Variants in HACE1 observed in about 807,000 individuals in gnomAD.
HACE1 encodes the protein E3 ubiquitin-protein ligase HACE1.
A neutral mutation model predicts 118.4 loss-of-function variants in HACE1; 73 were observed. That is an observed-to-expected ratio of 0.62 (90% CI 0.51 to 0.75). HACE1 has a LOEUF of 0.75. Ranked by LOEUF, HACE1 falls within the 30% of genes least tolerant of loss-of-function variation. The probability of loss-of-function intolerance (pLI) is 0.00; values close to 1 mark genes in which losing one functional copy is unlikely to be tolerated. For synonymous variants in HACE1, 368 were observed against 374.8 expected, an observed-to-expected ratio of 0.98 and a Z score of 0.21; for missense variants, 749 against 1,102.2, an observed-to-expected ratio of 0.68 and a Z score of 4.54.
intron 20 of HACE1, among the ~76,000 whole-genome samples, chr6:104,747,359 T>C (rs1002362889): frequency 2.0e-5 from 3 of 152,148 alleles, no homozygotes; most frequent in African/African-American, 7.2e-5. Flanking sequence ...CTGTCTACAA[T>C]GGATGACTAC....
At position 104,833,259 on chromosome 6, in the gene HACE1, C is replaced by T. The variant is rs76836062; in HGVS notation, c.403-86G>A. 1.6e-3 allele frequency: 2,011 copies of T among 1,241,700 alleles called. 40 individuals are homozygous for T. In the East Asian group the frequency reaches 0.039, roughly 24 times the overall value. The allele number at this position is 1,241,700 out of a possible 1,614,324, so 76.9% of individuals were successfully genotyped here. A position where few individuals can be genotyped will look rare whatever the true frequency, so the allele number is the denominator to read the frequency against. On this transcript the variant is annotated intron_variant, in intron 5 of 23. Transcript: ENST00000262903. Reference sequence around the variant, plus strand: ...TAAATAATGTTATTTCTCAGCTGGGCGTGATTTGCACATGCAAATCTAAAG... The same window carrying T: ...TAAATAATGTTATTTCTCAGCTGGGTGTGATTTGCACATGCAAATCTAAAG...
At chr6:104,769,989 C>T (rs9499966) in intron 19 of HACE1, among the ~76,000 whole-genome samples, 5,129 of 152,106 alleles carry the variant, frequency 0.034, 272 homozygotes, top group African/African-American at 0.12. Context: ...TTGTGCTGTG[C>T]TTTTCATTTT....
intron 2 of HACE1, 104 bp downstream of exon 2, chr6:104,852,213 G>GTT: frequency 1.4e-6 from 1 of 697,676 alleles, no homozygotes; most frequent in Admixed American, 2.0e-5. Context: ...GTGTGTGTGT[G>GTT]TGTGTGTGTG....
chr6:104,758,989 C>G (rs2114628452), intron 19 of HACE1, among the ~76,000 whole-genome samples: 1 of 152,142 alleles, frequency 6.6e-6, no homozygotes, highest in South Asian at 2.1e-4. Flanking sequence ...ATCAATGCAA[C>G]AAGAAGAGCT....
intron 20 of HACE1, among the ~76,000 whole-genome samples, chr6:104,749,195 C>T (rs1487688123): frequency 6.6e-6 from 1 of 152,066 alleles, no homozygotes; most frequent in East Asian, 1.9e-4. Flanking sequence ...AATCCAAGCA[C>T]AGTACAGGAA....
At chr6:104,831,973 GAGAAGAGA>G (rs1562470740) in intron 6 of HACE1, among the ~76,000 whole-genome samples, 4 of 58,950 alleles carry the variant, frequency 6.8e-5, no homozygotes, top group African/African-American at 3.7e-4. Context: ...GAGAAGAGAA[GAGAAGAGA>G]GGAAGGAAGG....
intron 21 of HACE1, 115 bp downstream of exon 21, chr6:104,744,397 T>C (rs1489404137): frequency 2.5e-6 from 2 of 813,482 alleles, no homozygotes; most frequent in African/African-American, 1.7e-5. Flanking sequence ...CAAGAATAAT[T>C]TGGGTAAACA....
chr6:104,755,958 C>A (rs148423082), intron 19 of HACE1, among the ~76,000 whole-genome samples: 337 of 152,150 alleles, frequency 2.2e-3, no homozygotes, highest in African/African-American at 7.9e-3. Flanking sequence ...GACAGAGACA[C>A]AAAACAACCC....
intron 5 of HACE1, among the ~76,000 whole-genome samples, chr6:104,839,743 C>T (rs1264271452): frequency 6.6e-6 from 1 of 152,194 alleles, no homozygotes; most frequent in Non-Finnish European, 1.5e-5. Flanking sequence ...TGGTGGCTCA[C>T]ACCTGTAATC....
At chr6:104,790,068 G>GA (rs201619324) in intron 11 of HACE1, among the ~76,000 whole-genome samples, 8,130 of 127,926 alleles carry the variant, frequency 0.064, 247 homozygotes, top group East Asian at 0.14. Context: ...GGCACAATAA[G>GA]AAAAAAAAAA....
At chr6:104,831,739 A>C (rs1194942920) in intron 6 of HACE1, among the ~76,000 whole-genome samples, 1 of 151,514 alleles carries the variant, frequency 6.6e-6, no homozygotes, top group African/African-American at 2.4e-5. Flanking sequence ...TAAAAATACA[A>C]AAAATTAGCC....
chr6:104,794,129 A>G (rs1444084899), intron 10 of HACE1, among the ~76,000 whole-genome samples: 1 of 152,112 alleles, frequency 6.6e-6, no homozygotes, highest in African/African-American at 2.4e-5. Context: ...TTTAACTTCA[A>G]TTTTTTTACA....
intron 22 of HACE1, chr6:104,731,683 AC>A (rs1775218286): frequency 6.6e-6 from 1 of 152,096 alleles, no homozygotes. Flanking sequence ...ATGAAGTTGG[AC>A]CCTTACTTTA....
chr6:104,852,230 CGCGCGT>C (rs1171162584), intron 2 of HACE1, 81 bp downstream of exon 2: 1 of 697,336 alleles, frequency 1.4e-6, no homozygotes, highest in East Asian at 3.0e-5. Flanking sequence ...TGTGTGTGTG[CGCGCGT>C]GCGCGTGCAC....
intron 19 of HACE1, among the ~76,000 whole-genome samples, chr6:104,762,716 C>T (rs537329051): frequency 1.3e-5 from 2 of 151,978 alleles, no homozygotes; most frequent in East Asian, 1.9e-4. Flanking sequence ...AAAGGCCGGG[C>T]GCGGTAGCTC....
chr6:104,803,968 T>A (rs966720111), intron 7 of HACE1, among the ~76,000 whole-genome samples: 106 of 152,238 alleles, frequency 7.0e-4, no homozygotes, highest in African/African-American at 2.3e-3. Context: ...GAAAACCACA[T>A]CGTCTCAGCC....
intron 14 of HACE1, among the ~76,000 whole-genome samples, 187 bp downstream of exon 14, chr6:104,783,899 C>T (rs1033458802): frequency 3.3e-5 from 5 of 152,180 alleles, no homozygotes; most frequent in African/African-American, 4.8e-5. Context: ...TTTGTACAGA[C>T]CTCTGTACAT....
rs1774983417 is a variant in HACE1 at position 104,729,595 on chromosome 6, A to G, written c.*67T>C. 3 of 857,172 alleles carry G rather than the reference A, an allele frequency of 3.5e-6. No individual in the cohort carries two copies. The allele number at this position is 857,172 out of a possible 1,614,324, so 53.1% of individuals were successfully genotyped here. A position where few individuals can be genotyped will look rare whatever the true frequency, so the allele number is the denominator to read the frequency against. ...GCATTTAGGCTGCTTTTTTGTTGAC[A>G]TTTTCCCAAATTACTTCTGCCATTC... On this transcript the variant is annotated 3_prime_UTR_variant, in exon 24 of 24. Transcript: ENST00000262903.
chr6:104,780,341 T>C, intron 14 of HACE1: 1 of 451,356 alleles, frequency 2.2e-6, no homozygotes, highest in Non-Finnish European at 4.4e-6. Flanking sequence ...GTATGTAAAC[T>C]TTCTAGAGTA....
Sources: gnomAD v4.1 joint callset for allele counts (sites outside exome capture counted in the v4.1 genomes callset) on GRCh38, gnomAD v4.1.1 for gene constraint, MANE v1.5 for transcripts, NCBI Gene and HGNC (gene_info 2026-07-23, HGNC 2026-07-21) for gene names.